SMYD4: variants seen among roughly 807,000 people sequenced by gnomAD.
SMYD4 encodes the protein protein-lysine N-methyltransferase SMYD4.
In SMYD4, 68 loss-of-function variants were observed where a neutral mutation model predicts 72.8. The ratio of observed to expected loss-of-function variants is 0.93; its 90% CI spans 0.77 to 1.14. SMYD4 has a LOEUF of 1.14. SMYD4 is among the 50% of genes most tolerant of loss of function. The pLI, the probability that SMYD4 is intolerant of heterozygous loss-of-function variation, is 0.00. For synonymous variants in SMYD4, 407 were observed against 388.6 expected (o/e 1.05, Z -0.56); for missense variants, 984 against 1,003.7 (o/e 0.98, Z 0.27).
At chr17:1,784,950 T>C (rs1312270590) in intron 7 of SMYD4, among the ~76,000 whole-genome samples, 1 of 120,838 alleles carries the variant, frequency 8.3e-6, no homozygotes, top group Non-Finnish European at 1.8e-5. Flanking sequence ...TTTGTGTGTG[T>C]TATTTATTTT....
Position 1,781,189 on chromosome 17 carries a change from G to T in SMYD4, c.*97C>A. ...GCCCACCTTAGCCTCCCAAAGTGCTGGGATTACAGGCGTGAGCCACCATAC... is the reference window on the plus strand; with the variant it reads ...GCCCACCTTAGCCTCCCAAAGTGCTTGGATTACAGGCGTGAGCCACCATAC... On this transcript the variant is annotated 3_prime_UTR_variant, in exon 11 of 11. Transcript: ENST00000305513. The T allele has an allele frequency of 6.8e-7, 1 of 1,475,024 alleles. No individual in the cohort carries two copies. The highest frequency in any genetic ancestry group is 1.4e-5 in the African/African-American group (1 of 70,366). 91.4% of individuals were successfully genotyped at this position (1,475,024 alleles called of 1,614,324 possible). A position where few individuals can be genotyped will look rare whatever the true frequency, so the allele number is the denominator to read the frequency against.
Position 1,787,618 on chromosome 17 carries a change from A to T in SMYD4, c.1538-14T>A, listed in dbSNP as rs953142738. 6.4e-7 allele frequency: 1 copy of T among 1,561,038 alleles called. No individual in the cohort carries two copies. Among genetic ancestry groups the T allele is most frequent in the Non-Finnish European group, 8.7e-7 (1 of 1,152,774 alleles). On this transcript the variant is annotated splice_polypyrimidine_tract_variant and intron_variant, in intron 5 of 10. Transcript: ENST00000305513. ...TCCCTTTAGGTCCTGAAAGGGCAAG[A>T]GGAAAGAAGGAAAAAGGTGTCAGCA...
At chr17:1,790,367 G>A (rs1908954253) in intron 5 of SMYD4, among the ~76,000 whole-genome samples, 1 of 152,092 alleles carries the variant, frequency 6.6e-6, no homozygotes, top group South Asian at 2.1e-4. Flanking sequence ...TCAGTATTGT[G>A]CATTAATCAT....
intron 2 of SMYD4, among the ~76,000 whole-genome samples, chr17:1,813,398 T>C (rs1036951529): frequency 1.3e-5 from 2 of 152,114 alleles, no homozygotes; most frequent in East Asian, 1.9e-4. Flanking sequence ...CTTGCGAAAT[T>C]TGGAAGAATT....
At chr17:1,792,923 T>A (rs969391820) in intron 5 of SMYD4, among the ~76,000 whole-genome samples, 4 of 145,708 alleles carry the variant, frequency 2.7e-5, no homozygotes, top group Admixed American at 2.7e-4. Flanking sequence ...TCATTATGCA[T>A]GTTTTTATTT....
At chr17:1,804,464 G>A (rs372255350) in intron 4 of SMYD4, 162 bp downstream of exon 4, 11 of 585,342 alleles carry the variant, frequency 1.9e-5, no homozygotes, top group Middle Eastern at 8.3e-4. Context: ...GGCAATGAGC[G>A]CCCAGTCCGA....
At chr17:1,823,214 CAA>C (rs57867059) in intron 2 of SMYD4, among the ~76,000 whole-genome samples, 17,574 of 135,742 alleles carry the variant, frequency 0.13, 1,348 homozygotes, top group African/African-American at 0.21. Flanking sequence ...ACTAAAAATA[CAA>C]AAAAAAAAAA....
intron 3 of SMYD4, among the ~76,000 whole-genome samples, chr17:1,811,194 G>A (rs1374823214): frequency 2.0e-5 from 3 of 152,176 alleles, no homozygotes; most frequent in Non-Finnish European, 2.9e-5. Flanking sequence ...TCGGAGCCCC[G>A]CAGCCTGCCC....
chr17:1,783,707 T>G, intron 8 of SMYD4: 1 of 628,302 alleles, frequency 1.6e-6, no homozygotes, highest in Non-Finnish European at 2.6e-6. Flanking sequence ...TTACACTGTA[T>G]TTTCAACATT....
chr17:1,805,534 G>A (rs549319982), intron 3 of SMYD4, among the ~76,000 whole-genome samples: 10 of 152,056 alleles, frequency 6.6e-5, no homozygotes, highest in Admixed American at 1.3e-4. Context: ...GGATGAGACC[G>A]GGCATGGTGG....
chr17:1,829,317 T>A (rs963796643), intron 1 of SMYD4: 1 of 152,400 alleles, frequency 6.6e-6, no homozygotes, highest in South Asian at 2.1e-4. Flanking sequence ...TGTTTTGGCA[T>A]AGGCTACTCA....
In SMYD4 at chr17:1,804,613, T is replaced by C. The variant is rs1909941484; in HGVS notation, c.369+13A>G. 6.2e-7 allele frequency: 1 copy of C among 1,612,372 alleles called. No homozygotes were observed. The highest frequency in any genetic ancestry group is 8.5e-7 in the Non-Finnish European group (1 of 1,178,756). ...GGATCCTGTCCTCTCATACCAGGTATCCTGATACTCACCTCATACTGACCC... is the reference window on the plus strand; with the variant it reads ...GGATCCTGTCCTCTCATACCAGGTACCCTGATACTCACCTCATACTGACCC... On this transcript the variant is annotated intron_variant, in intron 4 of 10. Coordinates refer to ENST00000305513, the MANE Select transcript of SMYD4 (RefSeq NM_052928.3).
intron 5 of SMYD4, among the ~76,000 whole-genome samples, chr17:1,792,693 A>G (rs1196687554): frequency 6.6e-6 from 1 of 152,108 alleles, no homozygotes; most frequent in Admixed American, 6.6e-5. Flanking sequence ...ACAGGCCAAC[A>G]AAGGTATCTG....
chr17:1,826,872 C>T (rs1003210121), intron 2 of SMYD4, among the ~76,000 whole-genome samples: 3 of 152,064 alleles, frequency 2.0e-5, no homozygotes, highest in Admixed American at 2.0e-4. Context: ...ACAAACAGGC[C>T]GGGCACAGTG....
rs72822468 is a variant in SMYD4 at position 1,805,016 on chromosome 17, G to A, written c.280-301C>T. 9.8e-3 allele frequency among the ~76,000 whole-genome samples: 1,485 copies of A among 152,144 alleles called. 20 individuals are homozygous for A. Among genetic ancestry groups the A allele is most frequent in the South Asian group, 0.024 (115 of 4,812 alleles). On this transcript the variant is annotated intron_variant, in intron 3 of 10. Transcript: ENST00000305513. ...ATCCTACAACCTGAATATAACAAAG[G>A]GTGGGTGGCACAAATAGAAATTCAC...
intron 5 of SMYD4, among the ~76,000 whole-genome samples, chr17:1,793,796 CAGG>C (rs1909189881): frequency 6.6e-6 from 1 of 150,678 alleles, no homozygotes. Context: ...CACAGAGGTT[CAGG>C]AGATTAGGTC....
Position 1,781,073 on chromosome 17 carries a change from C to T in SMYD4, c.*213G>A. On this transcript the variant is annotated 3_prime_UTR_variant, in exon 11 of 11. Coordinates refer to ENST00000305513, the MANE Select transcript of SMYD4 (RefSeq NM_052928.3). ...TAGCTGGGATTACAGGTGCCCACCA[C>T]CACGCCTGGCTAGTTTTTTGTATTT... The T allele has an allele frequency of 2.3e-6, 1 of 443,850 alleles. No homozygotes were observed. The highest frequency in any genetic ancestry group is 2.1e-5 in the African/African-American group (1 of 48,468). The allele number at this position is 443,850 out of a possible 1,614,324, so 27.5% of individuals were successfully genotyped here.
At chr17:1,828,840 G>A (rs1051429868) in intron 1 of SMYD4, among the ~76,000 whole-genome samples, 2 of 151,922 alleles carry the variant, frequency 1.3e-5, no homozygotes, top group African/African-American at 2.4e-5. Flanking sequence ...CAGATGATCC[G>A]CCAGCCTTGG....
In SMYD4 at chr17:1,800,343, C is replaced by T. The variant is rs200129775; in HGVS notation, c.1051G>A (p.Ala351Thr). The T allele has an allele frequency of 9.3e-6, 15 of 1,614,012 alleles. No individual in the cohort carries two copies. Among genetic ancestry groups the T allele is most frequent in the Non-Finnish European group, 1.2e-5 (14 of 1,180,034 alleles). ...CCCACCAAAAGAGTCAACCTCAGGG[C>T]AATGTGGCAAAAGACACCCAGTGTG... ...LLTLGVFCHI[A>T]LRLTLLVGFE... The change falls in exon 5 of 11, where the codon GCC (alanine) becomes ACC (threonine). Residue 351 changes from alanine (A) to threonine (T), a missense_variant. Coordinates refer to ENST00000305513, the MANE Select transcript of SMYD4 (RefSeq NM_052928.3).
Sources: allele counts gnomAD v4.1 joint callset (sites outside exome capture counted in the v4.1 genomes callset), GRCh38; gene constraint gnomAD v4.1.1; transcripts MANE v1.5; gene names NCBI Gene and HGNC (gene_info 2026-07-23, HGNC 2026-07-21).